GALNT7: variants seen among roughly 807,000 people sequenced by gnomAD.
GALNT7 encodes N-acetylgalactosaminyltransferase 7.
In GALNT7, 60 loss-of-function variants were observed where a neutral mutation model predicts 82.1. The ratio of observed to expected loss-of-function variants is 0.73; its 90% CI spans 0.59 to 0.91. The LOEUF is 0.91. GALNT7 is among the 40% of genes least tolerant of loss of function. GALNT7 has a pLI of 0.00. For synonymous variants in GALNT7, 243 were observed against 275.1 expected, an observed-to-expected ratio of 0.88 and a Z score of 1.15; for missense variants, 660 against 804.2, an observed-to-expected ratio of 0.82 and a Z score of 2.17.
At chr4:173,226,349 G>A (rs867352319) in intron 1 of GALNT7, among the ~76,000 whole-genome samples, 6 of 151,964 alleles carry the variant, frequency 3.9e-5, no homozygotes, top group East Asian at 1.9e-4. Context: ...ATATTACATC[G>A]GATAAACCAA....
intron 1 of GALNT7, among the ~76,000 whole-genome samples, chr4:173,210,180 C>T (rs1733230615): frequency 6.6e-6 from 1 of 151,914 alleles, no homozygotes; most frequent in Admixed American, 6.6e-5. Context: ...TTATGCTTAC[C>T]TAGAAACATT....
intron 1 of GALNT7, among the ~76,000 whole-genome samples, chr4:173,176,703 A>T (rs1420669343): frequency 6.6e-6 from 1 of 152,128 alleles, no homozygotes; most frequent in Non-Finnish European, 1.5e-5. Flanking sequence ...GATGCTGGAG[A>T]GATGAGGACA....
intron 1 of GALNT7, among the ~76,000 whole-genome samples, chr4:173,234,513 C>T (rs956753425): frequency 6.6e-6 from 1 of 152,162 alleles, no homozygotes; most frequent in Non-Finnish European, 1.5e-5. Context: ...GTATAAGTTA[C>T]AAATCTTAAA....
At chr4:173,289,374 G>A (rs1736456612) in intron 2 of GALNT7, among the ~76,000 whole-genome samples, 1 of 152,146 alleles carries the variant, frequency 6.6e-6, no homozygotes, top group Non-Finnish European at 1.5e-5. Flanking sequence ...CAAGAAAATT[G>A]AGCATGGACA....
intron 1 of GALNT7, among the ~76,000 whole-genome samples, chr4:173,176,863 G>A (rs190388432): frequency 7.8e-4 from 119 of 152,296 alleles, no homozygotes; most frequent in South Asian, 3.5e-3. Context: ...GTCAGAGCTG[G>A]GCTATAAGGA....
At chr4:173,233,481 A>T (rs954553196) in intron 1 of GALNT7, among the ~76,000 whole-genome samples, 2 of 152,166 alleles carry the variant, frequency 1.3e-5, no homozygotes, top group African/African-American at 4.8e-5. Flanking sequence ...TTCCCTGATG[A>T]TTAGTGATGT....
At chr4:173,219,079 C>T (rs561314372) in intron 1 of GALNT7, among the ~76,000 whole-genome samples, 47 of 152,116 alleles carry the variant, frequency 3.1e-4, no homozygotes, top group African/African-American at 1.1e-3. Flanking sequence ...CACCTATCAT[C>T]TGAGCAATGT....
At chr4:173,177,680 G>A (rs1732092833) in intron 1 of GALNT7, among the ~76,000 whole-genome samples, 1 of 152,116 alleles carries the variant, frequency 6.6e-6, no homozygotes, top group South Asian at 2.1e-4. Flanking sequence ...ATGTTAAAAT[G>A]TTTGAGAACT....
At chr4:173,191,884 T>C (rs918285933) in intron 1 of GALNT7, among the ~76,000 whole-genome samples, 1 of 152,206 alleles carries the variant, frequency 6.6e-6, no homozygotes, top group Non-Finnish European at 1.5e-5. Flanking sequence ...TCTTTTGTTA[T>C]ACTGGACTTT....
intron 1 of GALNT7, chr4:173,169,442 C>G (rs1203507308): frequency 6.6e-6 from 1 of 151,474 alleles, no homozygotes; most frequent in Non-Finnish European, 1.5e-5. Context: ...GTCCGGTGGA[C>G]CAGGCCCCTT....
intron 1 of GALNT7, among the ~76,000 whole-genome samples, chr4:173,178,052 T>TGCGCGCGCGCGCGCGC (rs60869480): frequency 7.7e-6 from 1 of 129,520 alleles, no homozygotes; most frequent in East Asian, 2.3e-4. Flanking sequence ...TGTGTGTGTG[T>TGCGCGCGCGCGCGCGC]GCGCGCACGC....
At chr4:173,233,120 C>T (rs1280679946) in intron 1 of GALNT7, among the ~76,000 whole-genome samples, 1 of 152,220 alleles carries the variant, frequency 6.6e-6, no homozygotes, top group Non-Finnish European at 1.5e-5. Flanking sequence ...ACCACATTTT[C>T]TTTATCCATT....
At chr4:173,190,922 C>G (rs1204053653) in intron 1 of GALNT7, among the ~76,000 whole-genome samples, 1 of 152,100 alleles carries the variant, frequency 6.6e-6, no homozygotes, top group Non-Finnish European at 1.5e-5. Flanking sequence ...CCAAAAATCA[C>G]TATCAGACCC....
At chr4:173,197,137 A>G (rs57130388) in intron 1 of GALNT7, among the ~76,000 whole-genome samples, 2,437 of 145,622 alleles carry the variant, frequency 0.017, 69 homozygotes, top group Admixed American at 0.071. Flanking sequence ...TGGGTAGTAG[A>G]TACCTAATTC....
intron 1 of GALNT7, among the ~76,000 whole-genome samples, chr4:173,196,219 G>A (rs1294747920): frequency 6.6e-6 from 1 of 151,802 alleles, no homozygotes; most frequent in African/African-American, 2.4e-5. Flanking sequence ...CCACCTCCTA[G>A]GTTCAAGTCA....
chr4:173,229,064 A>G (rs2126705029), intron 1 of GALNT7, among the ~76,000 whole-genome samples: 1 of 152,310 alleles, frequency 6.6e-6, no homozygotes, highest in South Asian at 2.1e-4. Context: ...TTTGAAGACC[A>G]TTTTGTGTTT....
intron 2 of GALNT7, among the ~76,000 whole-genome samples, chr4:173,273,453 A>G (rs946621643): frequency 6.6e-6 from 1 of 152,216 alleles, no homozygotes; most frequent in Non-Finnish European, 1.5e-5. Context: ...TTTAAAAACA[A>G]CAACAAAAAA....
At chr4:173,228,725 C>T (rs192483593) in intron 1 of GALNT7, among the ~76,000 whole-genome samples, 149 of 152,090 alleles carry the variant, frequency 9.8e-4, no homozygotes, top group Non-Finnish European at 1.6e-3. Context: ...TACTTTTTTT[C>T]CCCGCCTAGG....
chr4:173,240,411 C>T (rs1324847338), intron 1 of GALNT7, among the ~76,000 whole-genome samples: 2 of 137,760 alleles, frequency 1.5e-5, no homozygotes, highest in Non-Finnish European at 3.0e-5. Flanking sequence ...CTTTTGTGCC[C>T]AGGCTGGAGT....
Sources: allele counts gnomAD v4.1 joint callset (sites outside exome capture counted in the v4.1 genomes callset), GRCh38; gene constraint gnomAD v4.1.1; transcripts MANE v1.5; gene names NCBI Gene and HGNC (gene_info 2026-07-23, HGNC 2026-07-21).